Variants in TMPRSS15 observed in about 807,000 individuals in gnomAD.
TMPRSS15 encodes transmembrane serine protease 15.
A neutral mutation model predicts 125.3 loss-of-function variants in TMPRSS15; 128 were observed. The observed-to-expected ratio is 1.02, with a 90% CI of 0.89 to 1.18. The LOEUF (loss-of-function observed/expected upper bound fraction) is 1.18, where lower values mean the gene tolerates loss of function less well. TMPRSS15 is among the 50% of genes most tolerant of loss of function. The pLI, the probability that TMPRSS15 is intolerant of heterozygous loss-of-function variation, is 0.00. For synonymous variants in TMPRSS15, 446 were observed against 423.2 expected (o/e 1.05, Z -0.66); for missense variants, 1,283 against 1,212.7 (o/e 1.06, Z -0.86).
intron 18 of TMPRSS15, 129 bp downstream of exon 18, chr21:18,312,816 C>T (rs892776918): frequency 8.0e-5 from 98 of 1,220,368 alleles, no homozygotes; most frequent in South Asian, 3.0e-4. Context: ...TTTTTATTTT[C>T]TCCCTTTTGC....
chr21:18,290,501 G>GTT (rs113258707), intron 21 of TMPRSS15, among the ~76,000 whole-genome samples: 4 of 144,064 alleles, frequency 2.8e-5, no homozygotes, highest in Non-Finnish European at 6.1e-5. Flanking sequence ...AAGCTTGAGG[G>GTT]TTTTTTTTTT....
intron 3 of TMPRSS15, 135 bp from the exon 4 acceptor site, chr21:18,383,913 T>C (rs2075918027): frequency 2.0e-6 from 2 of 997,266 alleles, no homozygotes; most frequent in East Asian, 2.6e-5. Flanking sequence ...TGTAAGGTAG[T>C]CACTTCAAAT....
intron 18 of TMPRSS15, among the ~76,000 whole-genome samples, chr21:18,304,346 T>C (rs1601303470): frequency 1.3e-5 from 2 of 152,160 alleles, no homozygotes; most frequent in Non-Finnish European, 2.9e-5. Context: ...GTATAACTTC[T>C]ATGTTGTTTT....
intron 1 of TMPRSS15, among the ~76,000 whole-genome samples, chr21:18,472,480 T>TACACAC (rs61425148): frequency 1.1e-4 from 12 of 112,330 alleles, no homozygotes; most frequent in African/African-American, 3.7e-4. Flanking sequence ...TATATATATA[T>TACACAC]ACACACACAC....
chr21:18,444,222 C>T (rs761562404), intron 1 of TMPRSS15, among the ~76,000 whole-genome samples: 5 of 152,196 alleles, frequency 3.3e-5, no homozygotes, highest in East Asian at 3.9e-4. Context: ...AGCAAAGATA[C>T]GGAATCAACC....
At chr21:18,450,633 G>T (rs1457926381) in intron 1 of TMPRSS15, among the ~76,000 whole-genome samples, 1 of 152,090 alleles carries the variant, frequency 6.6e-6, no homozygotes, top group Non-Finnish European at 1.5e-5. Context: ...CTGTCAGCAA[G>T]GGAAGGAGTT....
At chr21:18,454,763 T>C (rs544092614) in intron 1 of TMPRSS15, among the ~76,000 whole-genome samples, 1 of 152,284 alleles carries the variant, frequency 6.6e-6, no homozygotes, top group South Asian at 2.1e-4. Flanking sequence ...ATAATGCCTG[T>C]TCTCATTGGT....
Position 18,294,336 on chromosome 21 carries a change from C to A in TMPRSS15, c.2420G>T (p.Arg807Leu). The A allele has an allele frequency of 6.2e-7, 1 of 1,614,242 alleles. No homozygotes were observed. Among genetic ancestry groups the A allele is most frequent in the South Asian group, 1.1e-5 (1 of 91,088 alleles). Residue 807 changes from arginine (R) to leucine (L), a missense_variant, in exon 21 of 25, where the codon CGA (arginine) becomes CTA (leucine). Transcript: ENST00000284885. Reference protein sequence around the residue: ...PWVVGLYYGGRLLCGASLVSS... With the variant: ...PWVVGLYYGGLLLCGASLVSS... ...GACGAGAGATGCGCCGCAGAGCAGT[C>A]GGCCGCCATAATACAGACCCACAAC... is the stretch of plus-strand genomic sequence containing the variant.
chr21:18,437,347 C>T (rs376111684), intron 1 of TMPRSS15, among the ~76,000 whole-genome samples: 6 of 152,014 alleles, frequency 3.9e-5, no homozygotes, highest in South Asian at 2.1e-4. Flanking sequence ...AAGACTTAAA[C>T]GTTAGACCTA....
intron 10 of TMPRSS15, among the ~76,000 whole-genome samples, chr21:18,347,861 T>A (rs13047058): frequency 0.11 from 16,485 of 152,210 alleles, 1,108 homozygotes; most frequent in Non-Finnish European, 0.14. Context: ...CCAGCCATAG[T>A]GGCTCCCATC....
chr21:18,388,511 G>A (rs764606435), intron 3 of TMPRSS15, among the ~76,000 whole-genome samples: 2 of 151,988 alleles, frequency 1.3e-5, no homozygotes, highest in Non-Finnish European at 2.9e-5. Context: ...AAACATAAAG[G>A]GTTCCATTAG....
At chr21:18,313,372 A>C (rs1294202042) in intron 17 of TMPRSS15, among the ~76,000 whole-genome samples, 1 of 151,496 alleles carries the variant, frequency 6.6e-6, no homozygotes, top group Admixed American at 6.6e-5. Flanking sequence ...CACACTTTTT[A>C]AATATGTATA....
intron 15 of TMPRSS15, among the ~76,000 whole-genome samples, chr21:18,328,729 G>A (rs985326): frequency 0.42 from 63,942 of 151,878 alleles, 13,565 homozygotes; most frequent in African/African-American, 0.45. Context: ...GGTGACCACA[G>A]CCAATAATAA....
In TMPRSS15 at chr21:18,282,503, G is replaced by A. The variant is rs915205725; in HGVS notation, c.2487-1282C>T. On this transcript the variant is annotated intron_variant, in intron 21 of 24. Transcript: ENST00000284885. Reference sequence around the variant, plus strand: ...CTTCCAGATGTATAAAGGGCATGAAGTTACTTACATCTATCTATCACTTTG... The same window carrying A: ...CTTCCAGATGTATAAAGGGCATGAAATTACTTACATCTATCTATCACTTTG... Among the ~76,000 whole-genome samples, 6 of 152,294 alleles carry A rather than the reference G, an allele frequency of 3.9e-5. No homozygotes were observed. The East Asian group carries it at 1.2e-3, about 29-fold the overall frequency.
chr21:18,416,601 T>G (rs994983308), intron 1 of TMPRSS15, among the ~76,000 whole-genome samples: 5 of 152,064 alleles, frequency 3.3e-5, no homozygotes, highest in African/African-American at 1.2e-4. Flanking sequence ...GTGGGGATGA[T>G]ACTGGTTAAT....
chr21:18,363,918 T>A (rs1243037046), intron 7 of TMPRSS15, among the ~76,000 whole-genome samples: 2 of 152,078 alleles, frequency 1.3e-5, no homozygotes, highest in South Asian at 2.1e-4. Context: ...GGAAATTGTG[T>A]TTTTAGTTGT....
chr21:18,383,313 A>G lies in TMPRSS15; in HGVS notation c.496+314T>C, dbSNP rs941879142. Among the ~76,000 whole-genome samples the G allele has an allele frequency of 1.5e-4, 21 of 140,454 alleles. 1 individual carries two copies. The highest frequency in any genetic ancestry group is 8.5e-4 in the Admixed American group (12 of 14,070). 92.1% of individuals were successfully genotyped at this position (140,454 alleles called of 152,430 possible). On this transcript the variant is annotated intron_variant, in intron 4 of 24. Transcript: ENST00000284885. The stretch of plus-strand genomic sequence containing the variant: ...CACTCTCAGAATCTCCTTGGAATGC[A>G]TAAGACCCACAAACTTCTGTGCATG...
intron 5 of TMPRSS15, among the ~76,000 whole-genome samples, chr21:18,375,411 C>G (rs1178799530): frequency 1.3e-5 from 2 of 152,142 alleles, no homozygotes; most frequent in Non-Finnish European, 2.9e-5. Context: ...GTTTGTATTT[C>G]ATTACTTAAT....
At chr21:18,481,801 TC>T (rs1978986956) in intron 1 of TMPRSS15, among the ~76,000 whole-genome samples, 1 of 151,734 alleles carries the variant, frequency 6.6e-6, no homozygotes, top group Admixed American at 6.6e-5. Context: ...ATTAAAAACA[TC>T]CTTTAATCAA....
Sources: allele counts gnomAD v4.1 joint callset (sites outside exome capture counted in the v4.1 genomes callset), GRCh38; gene constraint gnomAD v4.1.1; transcripts MANE v1.5; gene names NCBI Gene and HGNC (gene_info 2026-07-23, HGNC 2026-07-21).